Variants in CLIC5 observed in about 807,000 individuals in gnomAD.
CLIC5 encodes the protein chloride intracellular channel protein 5.
In CLIC5, 20 loss-of-function variants were observed where a neutral mutation model predicts 24.7. The observed-to-expected ratio is 0.81, with a 90% CI of 0.57 to 1.18. CLIC5 has a LOEUF of 1.18. Ranked by LOEUF, CLIC5 falls within the 50% of genes most tolerant of loss-of-function variation. The probability of loss-of-function intolerance (pLI) is 0.00; values close to 1 mark genes in which losing one functional copy is unlikely to be tolerated. For synonymous variants in CLIC5, 159 were observed against 135.6 expected, an observed-to-expected ratio of 1.17 and a Z score of -1.20; for missense variants, 341 against 326.1, an observed-to-expected ratio of 1.05 and a Z score of -0.35.
intron 1 of CLIC5, among the ~76,000 whole-genome samples, chr6:46,055,760 T>G (rs1029717346): frequency 1.3e-5 from 2 of 152,150 alleles, no homozygotes; most frequent in Non-Finnish European, 2.9e-5. Flanking sequence ...TGTGAAGTGT[T>G]CAGCTGGAAT....
chr6:45,920,235 G>A, intron 4 of CLIC5: 1 of 983,868 alleles, frequency 1.0e-6, no homozygotes, highest in Non-Finnish European at 1.2e-6. Context: ...AGTTTTCTCT[G>A]AGTAGAGGGG....
chr6:45,940,660 G>C (rs1056037482), intron 4 of CLIC5, among the ~76,000 whole-genome samples: 1 of 152,150 alleles, frequency 6.6e-6, no homozygotes, highest in African/African-American at 2.4e-5. Flanking sequence ...GCTTTGTGCT[G>C]GACTCCAGTC....
In CLIC5 at chr6:46,060,833, T is replaced by C. The variant is rs77060458; in HGVS notation, c.540+18870A>G. Among the ~76,000 whole-genome samples, 1,037 of 152,334 alleles carry C rather than the reference T, an allele frequency of 6.8e-3. 8 individuals carry two copies. The highest frequency in any genetic ancestry group is 0.023 in the African/African-American group (974 of 41,576). On this transcript the variant is annotated intron_variant, in intron 1 of 5. Transcript: ENST00000185206. Reference sequence around the variant, plus strand: ...AGTGGTTATTCAGTACTGAGCATTATATGCTCTAGAACCTGATTCCACCAG... The same window carrying C: ...AGTGGTTATTCAGTACTGAGCATTACATGCTCTAGAACCTGATTCCACCAG...
Position 45,914,264 on chromosome 6 carries a change from A to G in CLIC5, c.552T>C (p.Ala184=). ...KFLDGDELTL[A]DCNLLPKLHV... The stretch of plus-strand genomic sequence containing the variant: ...GGAGCTTGGGCAACAGATTGCAGTC[A>G]GCCAGGGTCAGCTCATCCCCATCCA... Residue 184 remains alanine, a synonymous_variant, in exon 5 of 6, where the codon GCT becomes GCC. Transcript: ENST00000339561. 4 of 1,606,054 alleles carry G rather than the reference A, an allele frequency of 2.5e-6. No homozygotes were observed. The African/African-American group carries it at 5.3e-5, about 21-fold the overall frequency.
chr6:45,980,124 C>G (rs1765521527), intron 1 of CLIC5, among the ~76,000 whole-genome samples: 1 of 151,994 alleles, frequency 6.6e-6, no homozygotes. Context: ...ATATGGCCAG[C>G]CTGTTATCCC....
At chr6:46,021,339 A>G (rs776303438) in intron 1 of CLIC5, among the ~76,000 whole-genome samples, 5 of 152,208 alleles carry the variant, frequency 3.3e-5, no homozygotes, top group Non-Finnish European at 7.3e-5. Flanking sequence ...GGAATGCAAA[A>G]TTGTACAGTC....
chr6:45,955,060 G>T, intron 2 of CLIC5, 75 bp downstream of exon 2: 2 of 1,064,728 alleles, frequency 1.9e-6, no homozygotes, highest in South Asian at 1.4e-5. Context: ...GCCACGGAAG[G>T]CTTTTGCCCT....
intron 2 of CLIC5, among the ~76,000 whole-genome samples, chr6:45,953,638 A>T (rs890369829): frequency 2.6e-5 from 4 of 152,194 alleles, no homozygotes; most frequent in Non-Finnish European, 4.4e-5. Flanking sequence ...GGGGCTTCGG[A>T]TGCATCAAGT....
At chr6:46,116,634 G>A in the CLIC5 span, among the ~76,000 whole-genome samples, 2 of 152,226 alleles carry the variant, frequency 1.3e-5, no homozygotes, top group East Asian at 3.9e-4. Context: ...TGAACAATAG[G>A]GTAAGGCCAA....
chr6:46,080,053 T>C (rs925921886), exon 1 of CLIC5: 28 of 1,551,676 alleles, frequency 1.8e-5, no homozygotes, highest in Non-Finnish European at 2.4e-5. Context: ...TCACCCTTAA[T>C]GGTATAGACT....
intron 1 of CLIC5, 23 bp downstream of exon 1, chr6:46,015,457 C>T: frequency 6.7e-7 from 1 of 1,488,062 alleles, no homozygotes; most frequent in South Asian, 1.3e-5. Context: ...GCAGGTGCGG[C>T]GGGAGACTGG....
At chr6:46,010,590 G>A (rs934082933) in intron 1 of CLIC5, among the ~76,000 whole-genome samples, 3 of 152,138 alleles carry the variant, frequency 2.0e-5, no homozygotes, top group African/African-American at 7.2e-5. Context: ...CTTGCATGGA[G>A]GGGGCCAATA....
chr6:45,944,593 T>G (rs1264715135), intron 3 of CLIC5, among the ~76,000 whole-genome samples: 1 of 85,874 alleles, frequency 1.2e-5, no homozygotes, highest in Non-Finnish European at 2.6e-5. Context: ...AAGTAGAAAA[T>G]AGTAGCAAAA....
rs189059064 is a variant in CLIC5 at position 45,900,743 on chromosome 6, A to G, written c.*2345T>C. 1 of 152,250 alleles carries G rather than the reference A, an allele frequency of 6.6e-6. No homozygotes were observed. Among genetic ancestry groups the G allele is most frequent in the Admixed American group, 6.5e-5 (1 of 15,288 alleles). 9.4% of individuals were successfully genotyped at this position (152,250 alleles called of 1,614,324 possible). On this transcript the variant is annotated 3_prime_UTR_variant, in exon 6 of 6. Coordinates refer to ENST00000339561, the MANE Select transcript of CLIC5 (RefSeq NM_016929.5). ...CTCTTTCAAATGGCTATCATTGATCATATAACACCCCCACCTCCTTGTCTT... is the reference window on the plus strand; with the variant it reads ...CTCTTTCAAATGGCTATCATTGATCGTATAACACCCCCACCTCCTTGTCTT...
intron 4 of CLIC5, among the ~76,000 whole-genome samples, chr6:45,936,283 C>A (rs1312280119): frequency 6.9e-6 from 1 of 145,944 alleles, no homozygotes; most frequent in Non-Finnish European, 1.5e-5. Context: ...CGGCTCACTG[C>A]AACCTCCGCC....
intron 4 of CLIC5, among the ~76,000 whole-genome samples, chr6:45,926,611 G>A (rs1185559492): frequency 6.6e-6 from 1 of 151,932 alleles, no homozygotes; most frequent in Non-Finnish European, 1.5e-5. Flanking sequence ...TGTCCACCAG[G>A]GGTCTTAGAA....
At chr6:45,951,004 A>G (rs556208455) in intron 2 of CLIC5, among the ~76,000 whole-genome samples, 1 of 152,218 alleles carries the variant, frequency 6.6e-6, no homozygotes, top group Admixed American at 6.5e-5. Context: ...TTCTAAGTAA[A>G]TGCAACTTCT....
chr6:45,932,178 C>T (rs1042097285), intron 4 of CLIC5, among the ~76,000 whole-genome samples: 2 of 152,154 alleles, frequency 1.3e-5, no homozygotes, highest in African/African-American at 2.4e-5. Context: ...GGCACCATCT[C>T]GGTTCACTGC....
chr6:46,085,212 G>A (rs1581930500), upstream of CLIC5, among the ~76,000 whole-genome samples: 4 of 152,214 alleles, frequency 2.6e-5, no homozygotes, highest in South Asian at 8.3e-4. Context: ...CTTTGCCTTT[G>A]GTTTGAATTT....
Sources: gnomAD v4.1 joint callset for allele counts (sites outside exome capture counted in the v4.1 genomes callset) on GRCh38, gnomAD v4.1.1 for gene constraint, MANE v1.5 for transcripts, NCBI Gene and HGNC (gene_info 2026-07-23, HGNC 2026-07-21) for gene names.